Variants in LYPLA1 observed in about 807,000 individuals in gnomAD.
The protein encoded by LYPLA1 is lysophospholipase 1.
LYPLA1 carries 17 observed loss-of-function variants against 34.0 expected under a neutral mutation model. The ratio of observed to expected loss-of-function variants is 0.50; its 90% CI spans 0.34 to 0.75. The LOEUF is 0.75. LYPLA1 is among the 30% of genes least tolerant of loss of function. LYPLA1 has a pLI of 0.01. For missense variants in LYPLA1, 203 were observed against 288.8 expected, an observed-to-expected ratio of 0.70 and a Z score of 2.15; for synonymous variants, 98 against 100.8, an observed-to-expected ratio of 0.97 and a Z score of 0.17.
intron 2 of LYPLA1, among the ~76,000 whole-genome samples, chr8:54,089,501 G>GTT (rs1586169793): frequency 7.2e-6 from 1 of 138,586 alleles, no homozygotes; most frequent in African/African-American, 3.3e-5. Flanking sequence ...CTGGGGGGGG[G>GTT]CGGGATCTTT....
At chr8:54,053,589 C>T (rs1805998932) in intron 6 of LYPLA1, 41 of 456,156 alleles carry the variant, frequency 9.0e-5, no homozygotes, top group South Asian at 6.3e-4. Context: ...GAGCCTTTCA[C>T]ATCCCAGGCA....
Position 54,062,336 on chromosome 8 carries a change from G to A in LYPLA1, c.216-12C>T. On this transcript the variant is annotated splice_polypyrimidine_tract_variant and intron_variant, in intron 4 of 8. Coordinates refer to ENST00000316963, the MANE Select transcript of LYPLA1 (RefSeq NM_006330.4). ...CAATAATATCAAACCTGTAAAATAA[G>A]GCAAAATCTTTTGATTCTAAGAAAA... The A allele has an allele frequency of 1.3e-6, 2 of 1,564,144 alleles. No homozygotes were observed. The highest frequency in any genetic ancestry group is 1.2e-5 in the South Asian group (1 of 85,554).
intron 2 of LYPLA1, among the ~76,000 whole-genome samples, chr8:54,066,784 A>T (rs1421602803): frequency 2.6e-5 from 4 of 151,770 alleles, no homozygotes; most frequent in Non-Finnish European, 5.9e-5. Context: ...CCATCTCAAA[A>T]AAAAAGAAAA....
intron 7 of LYPLA1, among the ~76,000 whole-genome samples, chr8:54,051,674 C>T (rs1805851755): frequency 6.6e-6 from 1 of 152,092 alleles, no homozygotes; most frequent in Non-Finnish European, 1.5e-5. Context: ...TGGTCTCAAT[C>T]TCCTGACCTT....
At chr8:54,092,132 G>C (rs1205319127) in intron 2 of LYPLA1, among the ~76,000 whole-genome samples, 1 of 151,500 alleles carries the variant, frequency 6.6e-6, no homozygotes, top group Non-Finnish European at 1.5e-5. Context: ...AGCGGCGGCA[G>C]AGGAGATGGA....
chr8:54,091,587 AGGAAGGAAGG>A (rs1431166325), intron 2 of LYPLA1, among the ~76,000 whole-genome samples: 27,430 of 135,756 alleles, frequency 0.2, 3,720 homozygotes, highest in East Asian at 0.49. Context: ...AAGAAAAGGA[AGGAAGGAAGG>A]AAGGAAGGAA....
rs1805564674 is a variant in LYPLA1 at position 54,047,740 on chromosome 8, C to G, written c.*325G>C. 1 of 222,644 alleles carries G rather than the reference C, an allele frequency of 4.5e-6. No individual in the cohort carries two copies. Among genetic ancestry groups the G allele is most frequent in the Non-Finnish European group, 8.7e-6 (1 of 114,708 alleles). 13.8% of individuals were successfully genotyped at this position (222,644 alleles called of 1,614,324 possible). A position where few individuals can be genotyped will look rare whatever the true frequency, so the allele number is the denominator to read the frequency against. On this transcript the variant is annotated 3_prime_UTR_variant, in exon 9 of 9. Coordinates refer to ENST00000316963, the MANE Select transcript of LYPLA1 (RefSeq NM_006330.4). ...CCTGAACAAATTTTCATTAAGCATA[C>G]TGCTAATTTTCAAATGATGTAATAA...
Position 54,054,809 on chromosome 8 carries a change from A to G in LYPLA1, c.360+251T>C, listed in dbSNP as rs569972058. The G allele has an allele frequency of 1.1e-5, 4 of 361,294 alleles. No homozygotes were observed. In the South Asian group the frequency reaches 2.1e-4, roughly 19 times the overall value. The allele number at this position is 361,294 out of a possible 1,614,324, so 22.4% of individuals were successfully genotyped here. On this transcript the variant is annotated intron_variant, in intron 6 of 8. Coordinates refer to ENST00000316963, the MANE Select transcript of LYPLA1 (RefSeq NM_006330.4). Reference sequence around the variant, plus strand: ...AGAGGGGACTCATGCCTGTGTTATCAGTTTTAATTAATTAAAAGGATAAAC... The same window carrying G: ...AGAGGGGACTCATGCCTGTGTTATCGGTTTTAATTAATTAAAAGGATAAAC...
chr8:54,070,081 G>A (rs1471320879), intron 2 of LYPLA1, among the ~76,000 whole-genome samples: 1 of 152,238 alleles, frequency 6.6e-6, no homozygotes, highest in Admixed American at 6.5e-5. Flanking sequence ...ATAACCTTTA[G>A]GTTCTCAAAA....
chr8:54,050,935 CA>C (rs1805795855), intron 8 of LYPLA1, 76 bp downstream of exon 8: 2 of 1,422,564 alleles, frequency 1.4e-6, no homozygotes, highest in Non-Finnish European at 1.9e-6. Flanking sequence ...CCCAAGCATT[CA>C]AATGTTACTT....
chr8:54,053,640 A>C (rs1586077560), intron 6 of LYPLA1: 1 of 456,178 alleles, frequency 2.2e-6, no homozygotes, highest in Non-Finnish European at 4.4e-6. Flanking sequence ...GGATTCGATG[A>C]CCACCAGTCA....
chr8:54,084,311 C>T (rs764525297), intron 2 of LYPLA1, among the ~76,000 whole-genome samples: 1 of 151,908 alleles, frequency 6.6e-6, no homozygotes, highest in Admixed American at 6.6e-5. Context: ...TGGCTCACGC[C>T]TGTATTCCCA....
At chr8:54,071,983 CTA>C (rs1221655757) in intron 2 of LYPLA1, among the ~76,000 whole-genome samples, 1 of 152,168 alleles carries the variant, frequency 6.6e-6, no homozygotes, top group African/African-American at 2.4e-5. Context: ...GGACTTCAAA[CTA>C]TGCTACAGGG....
At chr8:54,055,794 C>T (rs1806168259) in intron 5 of LYPLA1, among the ~76,000 whole-genome samples, 1 of 152,184 alleles carries the variant, frequency 6.6e-6, no homozygotes, top group East Asian at 1.9e-4. Flanking sequence ...CGGGTGCCCA[C>T]CACCATGCCC....
intron 2 of LYPLA1, among the ~76,000 whole-genome samples, chr8:54,092,306 T>A (rs1177629952): frequency 3.4e-4 from 35 of 103,850 alleles, no homozygotes; most frequent in South Asian, 6.2e-4. Flanking sequence ...GAAGAGAAGG[T>A]GGAGGAGGAG....
At chr8:54,100,327 C>T (rs1455145824) in intron 2 of LYPLA1, 5 of 152,160 alleles carry the variant, frequency 3.3e-5, no homozygotes, top group African/African-American at 1.2e-4. Flanking sequence ...CCAGCCTGGG[C>T]GACAGAGAGA....
At chr8:54,043,899 T>C (rs139214462), downstream of LYPLA1, among the ~76,000 whole-genome samples, 210 of 152,172 alleles carry the variant, frequency 1.4e-3, 2 homozygotes, top group Non-Finnish European at 2.6e-3. Flanking sequence ...TTTTCACTTA[T>C]TCTTCCGCTT....
At chr8:54,093,767 T>C (rs1334576739) in intron 2 of LYPLA1, among the ~76,000 whole-genome samples, 1 of 152,222 alleles carries the variant, frequency 6.6e-6, no homozygotes, top group Non-Finnish European at 1.5e-5. Flanking sequence ...GAATACAGTA[T>C]TAATTTAAAC....
intron 7 of LYPLA1, 118 bp from the exon 8 acceptor site, chr8:54,051,306 C>A: frequency 1.1e-6 from 1 of 877,336 alleles, no homozygotes; most frequent in Non-Finnish European, 1.7e-6. Context: ...TTACATTTGG[C>A]CAAAAAAATA....
Sources: allele counts gnomAD v4.1 joint callset (sites outside exome capture counted in the v4.1 genomes callset), GRCh38; gene constraint gnomAD v4.1.1; transcripts MANE v1.5; gene names NCBI Gene and HGNC (gene_info 2026-07-23, HGNC 2026-07-21).